The following SAFB variants were observed in gnomAD, a reference collection of about 807,000 sequenced individuals.
SAFB encodes the protein scaffold attachment factor B1.
SAFB carries 15 observed loss-of-function variants against 101.6 expected under a neutral mutation model. The observed-to-expected ratio is 0.15, with a 90% CI of 0.10 to 0.23. The LOEUF (loss-of-function observed/expected upper bound fraction) is 0.23, where lower values mean the gene tolerates loss of function less well. Among genes scored for constraint, SAFB ranks in the 10% least tolerant of loss-of-function variants. The pLI, the probability that SAFB is intolerant of heterozygous loss-of-function variation, is 1.00. For synonymous variants in SAFB, 449 were observed against 407.5 expected (o/e 1.10, Z -1.23); for missense variants, 930 against 1,104.1 (o/e 0.84, Z 2.23).
intron 1 of SAFB, among the ~76,000 whole-genome samples, chr19:5,626,142 A>G (rs935214716): frequency 2.0e-5 from 3 of 152,152 alleles, no homozygotes; most frequent in African/African-American, 7.2e-5. Context: ...TATTATTATT[A>G]GCCGCATGTT....
chr19:5,649,718 T>C, intron 7 of SAFB: 1 of 829,972 alleles, frequency 1.2e-6, no homozygotes, highest in South Asian at 1.8e-5. Context: ...AAATTCTTCC[T>C]AATTACCTTT....
At chr19:5,647,701 A>AAAATG (rs1232712727) in intron 5 of SAFB, among the ~76,000 whole-genome samples, 2 of 152,208 alleles carry the variant, frequency 1.3e-5, no homozygotes, top group African/African-American at 2.4e-5. Context: ...TAACAGTAGA[A>AAAATG]AAATGAAAAC....
chr19:5,662,075 C>T (rs1179057829), intron 15 of SAFB, among the ~76,000 whole-genome samples: 1 of 152,014 alleles, frequency 6.6e-6, no homozygotes, highest in African/African-American at 2.4e-5. Context: ...TCAGTAGAGA[C>T]GGGGTTTCAC....
chr19:5,642,723 C>T (rs888319898), intron 4 of SAFB, among the ~76,000 whole-genome samples: 43 of 125,646 alleles, frequency 3.4e-4, no homozygotes, highest in African/African-American at 1.3e-3. Context: ...AGTGCAGTGG[C>T]GCGATCTCAG....
intron 13 of SAFB, among the ~76,000 whole-genome samples, chr19:5,656,325 A>G (rs1186903622): frequency 3.3e-5 from 5 of 152,010 alleles, no homozygotes; most frequent in Admixed American, 3.3e-4. Context: ...AGGCTGGAAT[A>G]CAGTGGCACA....
intron 1 of SAFB, 145 bp from the exon 2 acceptor site, chr19:5,626,259 GA>G: frequency 5.0e-6 from 3 of 601,494 alleles, no homozygotes; most frequent in South Asian, 2.0e-5. Context: ...GATAACAGAT[GA>G]GTGGATGGGC....
chr19:5,637,140 C>A (rs1006661929), intron 2 of SAFB, among the ~76,000 whole-genome samples: 3 of 150,180 alleles, frequency 2.0e-5, no homozygotes, highest in Non-Finnish European at 4.5e-5. Flanking sequence ...GTCAGGAGAT[C>A]GAGACCATCC....
At position 5,667,195 on chromosome 19, in the gene SAFB, C is replaced by T. The variant is rs1195852889; in HGVS notation, c.2453+31C>T. 6.3e-6 allele frequency: 8 copies of T among 1,267,874 alleles called. No individual in the cohort carries two copies. The South Asian group carries it at 6.8e-5, about 11-fold the overall frequency. The allele number at this position is 1,267,874 out of a possible 1,614,324, so 78.5% of individuals were successfully genotyped here. On this transcript the variant is annotated intron_variant, in intron 18 of 20. Transcript: ENST00000588852. This position sits in a 1 kb window ranked among gnomAD's most constrained non-coding sequence, Gnocchi z 4.0. Reference sequence around the variant, plus strand: ...TGTCCCACACCCGACAGTACCTGACCCCCCCCCCGCCCACAAGGGGGCCCG... The same window carrying T: ...TGTCCCACACCCGACAGTACCTGACTCCCCCCCCGCCCACAAGGGGGCCCG...
intron 5 of SAFB, among the ~76,000 whole-genome samples, 166 bp from the exon 6 acceptor site, chr19:5,647,850 G>C (rs999052643): frequency 1.3e-5 from 2 of 152,312 alleles, no homozygotes; most frequent in Non-Finnish European, 2.9e-5. Context: ...GTGGATGCCA[G>C]TCTTATGGAG....
intron 1 of SAFB, among the ~76,000 whole-genome samples, chr19:5,625,239 G>A (rs1396187094): frequency 2.6e-5 from 4 of 152,144 alleles, no homozygotes; most frequent in Non-Finnish European, 5.9e-5. Flanking sequence ...TCCAGGAAGG[G>A]CAAAAGAACA....
At chr19:5,650,837 C>T in intron 8 of SAFB, 141 bp from the exon 9 acceptor site, 1 of 596,892 alleles carries the variant, frequency 1.7e-6, no homozygotes, top group South Asian at 2.3e-5. Flanking sequence ...GGATAGTGGT[C>T]AGGCCCACAG....
chr19:5,661,808 G>C lies in SAFB; in HGVS notation c.2153G>C (p.Arg718Pro), dbSNP rs778663829. The C allele has an allele frequency of 1.3e-6, 2 of 1,539,908 alleles. No homozygotes were observed. Among genetic ancestry groups the C allele is most frequent in the African/African-American group, 1.4e-5 (1 of 73,352 alleles). Residue 718 changes from arginine to proline, a missense_variant and splice_region_variant, in exon 15 of 21, where the codon CGG becomes CCG. Arg to Pro is a moderately radical substitution (Grantham distance 103). This residue lies in a region of SAFB where 318 missense variants were observed against 342.6 expected (regional missense o/e 0.93). Coordinates refer to ENST00000588852, the MANE Select transcript of SAFB (RefSeq NM_001201338.2). ...PAVRRPYDLD[R>P]RDDAYWPEAK... ...GTGCGGCGGCCCTACGACCTGGACC[G>C]GTAAGCAGATCCATGCTGCCCTTAG...
Position 5,623,385 on chromosome 19 carries a change from G to A in SAFB, c.180G>A (p.Arg60=), listed in dbSNP as rs1171800143. 6 of 1,613,376 alleles carry A rather than the reference G, an allele frequency of 3.7e-6. No homozygotes were observed. The highest frequency in any genetic ancestry group is 3.3e-5 in the South Asian group (3 of 91,078). The change falls in exon 1 of 21, where the codon CGG becomes CGA. Residue 60 remains arginine (R), a synonymous_variant. Coordinates refer to ENST00000588852, the MANE Select transcript of SAFB (RefSeq NM_001201338.2). ...SSGNKSVLME[R]LKKAIEDEGG... is the part of the protein sequence containing the mutation. ...GCAACAAGAGCGTTTTGATGGAGCGGCTGAAGAAGGTGGATTTGGGGCCCC... is the reference window on the plus strand; with the variant it reads ...GCAACAAGAGCGTTTTGATGGAGCGACTGAAGAAGGTGGATTTGGGGCCCC...
chr19:5,623,215 A>T lies in SAFB; in HGVS notation c.10A>T (p.Thr4Ser), dbSNP rs761361564. The T allele has an allele frequency of 1.7e-5, 27 of 1,593,470 alleles. No homozygotes were observed. The highest frequency in any genetic ancestry group is 6.8e-6 in the Non-Finnish European group (8 of 1,170,588). Reference sequence around the variant, plus strand: ...AGCCAGGGTCCCTGGAATGGCGGAGACTCTGTCAGGCCTAGGTGATTCTGG... The same window carrying T: ...AGCCAGGGTCCCTGGAATGGCGGAGTCTCTGTCAGGCCTAGGTGATTCTGG... MAETLSGLGDSGAA... is the reference protein window; with the variant it reads MAESLSGLGDSGAA... Residue 4 changes from threonine (T) to serine (S), a missense_variant, in exon 1 of 21, where the codon ACT becomes TCT. Thr to Ser is a moderately conservative substitution (Grantham distance 58, BLOSUM62 1). Coordinates refer to ENST00000588852, the MANE Select transcript of SAFB (RefSeq NM_001201338.2).
Position 5,668,445 on chromosome 19 carries a change from TG to T in SAFB, c.*155del. On this transcript the variant is annotated 3_prime_UTR_variant, in exon 21 of 21. Transcript: ENST00000588852. ...TTTTCGTTTTGGGGTTTTTTTTTTT[TG>T]TAATAAATGTGTTTCCGTTCACATA... is the stretch of plus-strand genomic sequence containing the variant. 1.3e-6 allele frequency: 1 copy of T among 743,862 alleles called. No homozygotes were observed. The highest frequency in any genetic ancestry group is 2.1e-6 in the Non-Finnish European group (1 of 485,852). 46.1% of individuals were successfully genotyped at this position (743,862 alleles called of 1,614,324 possible).
In SAFB at chr19:5,664,006, T is replaced by C. The variant is rs1421501915; in HGVS notation, c.2154-16T>C. ...GGTGGGGGATCCCTCTATCTCTGTC[T>C]CATGTCCCCTCACAGGCGAGATGAT... On this transcript the variant is annotated splice_polypyrimidine_tract_variant and intron_variant, in intron 15 of 20. Coordinates refer to ENST00000588852, the MANE Select transcript of SAFB (RefSeq NM_001201338.2). 3.1e-6 allele frequency: 5 copies of C among 1,612,770 alleles called. No individual in the cohort carries two copies. Among genetic ancestry groups the C allele is most frequent in the Non-Finnish European group, 4.2e-6 (5 of 1,179,456 alleles).
At chr19:5,658,172 AT>A (rs1381949658) in intron 14 of SAFB, among the ~76,000 whole-genome samples, 2 of 151,652 alleles carry the variant, frequency 1.3e-5, no homozygotes, top group African/African-American at 2.4e-5. Context: ...TCATTTTTGT[AT>A]TTTTAGTAGA....
intron 4 of SAFB, among the ~76,000 whole-genome samples, chr19:5,642,571 T>A (rs2053741017): frequency 6.6e-6 from 1 of 151,122 alleles, no homozygotes; most frequent in African/African-American, 2.4e-5. Context: ...GTTAGAAACA[T>A]ATCAAATGGA....
At position 5,638,884 on chromosome 19, in the gene SAFB, T is replaced by C. The variant is rs564445265; in HGVS notation, c.275-2710T>C. Among the ~76,000 whole-genome samples the C allele has an allele frequency of 3.2e-4, 48 of 151,504 alleles. No individual in the cohort carries two copies. The East Asian group carries it at 8.6e-3, about 27-fold the overall frequency. ...ACAGGCGCCTGCCACCACGCCTGGC[T>C]AATTTTTTTGTATTTTTAGTAGAGA... On this transcript the variant is annotated intron_variant, in intron 2 of 20. Transcript: ENST00000588852.
Sources: allele counts gnomAD v4.1 joint callset (sites outside exome capture counted in the v4.1 genomes callset), GRCh38; gene constraint gnomAD v4.1.1; regional missense constraint gnomAD v4.1.1; non-coding constraint Gnocchi (gnomAD v3.1); transcripts MANE v1.5; gene names NCBI Gene and HGNC (gene_info 2026-07-23, HGNC 2026-07-21).